ASXL1: variants seen among roughly 807,000 people sequenced by gnomAD.
ASXL1 encodes the protein polycomb group protein ASXL1.
In ASXL1, 65 loss-of-function variants were observed where a neutral mutation model predicts 89.1. The ratio of observed to expected loss-of-function variants is 0.73; its 90% confidence interval spans 0.60 to 0.90. The LOEUF (loss-of-function observed/expected upper bound fraction) is 0.90. Among genes scored for constraint, ASXL1 ranks in the 40% least tolerant of loss-of-function variants. ASXL1 has a pLI of 0.00. For synonymous variants in ASXL1, 739 were observed against 746.9 expected (o/e 0.99, Z 0.17); for missense variants, 1,786 against 1,942.9 (o/e 0.92, Z 1.52).
intron 11 of ASXL1, 34 bp downstream of exon 11, chr20:32,433,019 G>GA: frequency 1.2e-6 from 2 of 1,611,068 alleles, no homozygotes; most frequent in African/African-American, 2.7e-5. Flanking sequence ...CCTGGTCTGG[G>GA]GTTTTGAGGG....
At chr20:32,378,031 C>T (rs573925846) in intron 4 of ASXL1, among the ~76,000 whole-genome samples, 20 of 115,404 alleles carry the variant, frequency 1.7e-4, no homozygotes, top group Non-Finnish European at 2.5e-4. Flanking sequence ...ACTCTGTCGC[C>T]CAGGCTGGAG....
intron 4 of ASXL1, among the ~76,000 whole-genome samples, chr20:32,412,343 C>T (rs1156456796): frequency 6.6e-6 from 1 of 152,166 alleles, no homozygotes; most frequent in Non-Finnish European, 1.5e-5. Context: ...ACCCATTCCA[C>T]TGTGGAAGAA....
intron 4 of ASXL1, among the ~76,000 whole-genome samples, chr20:32,398,603 GTT>G (rs375341392): frequency 7.9e-6 from 1 of 126,450 alleles, no homozygotes; most frequent in Non-Finnish European, 1.6e-5. Flanking sequence ...TTTTTTGTTT[GTT>G]TTTTTTTTTG....
rs1020819492 is a variant in ASXL1, at chr20:32,435,796, G to A, written c.3084G>A (p.Ser1028=). 17 of 1,614,066 alleles carry A rather than the reference G, an allele frequency of 1.1e-5. No individual in the cohort carries two copies. The highest frequency in any genetic ancestry group is 1.6e-4 in the Middle Eastern group (1 of 6,084). The change falls in exon 13 of 13, where the codon TCG becomes TCA. Residue 1028 remains serine (S), a synonymous_variant. Transcript: ENST00000375687. ...AAGCTGCAGTGACAAAGGGATCTTCGGTGGACAAGGATGAGAAACCCAATT... is the reference window on the plus strand; with the variant it reads ...AAGCTGCAGTGACAAAGGGATCTTCAGTGGACAAGGATGAGAAACCCAATT... ...TREAAVTKGS[S]VDKDEKPNWN...
chr20:32,378,029 G>A (rs923768965), intron 4 of ASXL1, among the ~76,000 whole-genome samples: 8 of 114,720 alleles, frequency 7.0e-5, no homozygotes, highest in Admixed American at 5.0e-4. Context: ...TCACTCTGTC[G>A]CCCAGGCTGG....
intron 10 of ASXL1, 105 bp from the exon 11 acceptor site, chr20:32,432,775 C>G: frequency 7.3e-7 from 1 of 1,362,680 alleles, no homozygotes; most frequent in Non-Finnish European, 1.0e-6. Context: ...TGTGAGAGAG[C>G]CTTTAGAAGA....
intron 1 of ASXL1, among the ~76,000 whole-genome samples, chr20:32,364,711 T>C (rs1195255450): frequency 6.6e-6 from 1 of 152,178 alleles, no homozygotes; most frequent in Non-Finnish European, 1.5e-5. Context: ...TGAAGGATTT[T>C]AGAGCTGAAA....
In ASXL1 at chr20:32,436,990, G is replaced by C. The variant is rs2011951195; in HGVS notation, c.4278G>C (p.Glu1426Asp). The C allele has an allele frequency of 6.2e-7, 1 of 1,613,950 alleles. No individual in the cohort carries two copies. Among genetic ancestry groups the C allele is most frequent in the Non-Finnish European group, 8.5e-7 (1 of 1,180,026 alleles). ...EPGKGLSEPL[E>D]PSSLPSQLSI... Reference sequence around the variant, plus strand: ...GGAAGGGGCTCAGTGAGCCTCTGGAGCCTTCTTCTCTCCCCTCCCAACTCA... The same window carrying C: ...GGAAGGGGCTCAGTGAGCCTCTGGACCCTTCTTCTCTCCCCTCCCAACTCA... The change falls in exon 13 of 13, where the codon GAG becomes GAC. Residue 1426 changes from glutamate to aspartate, a missense_variant. By Grantham distance (45) the Glu-to-Asp change is conservative (BLOSUM62 2). Around this residue, in one of 3 missense-constraint regions of ASXL1, gnomAD observed 1,418 missense variants for 1,427.8 expected, o/e 0.99. Coordinates refer to ENST00000375687, the MANE Select transcript of ASXL1 (RefSeq NM_015338.6).
At position 32,436,214 on chromosome 20, in the gene ASXL1, A is replaced by T; in HGVS notation, c.3502A>T (p.Ser1168Cys). Reference sequence around the variant, plus strand: ...TGGCATGGTTGATGGAAGCAGCCCCAGTTCTTTAAGGGCTTTGAAGGAGCC... The same window carrying T: ...TGGCATGGTTGATGGAAGCAGCCCCTGTTCTTTAAGGGCTTTGAAGGAGCC... ...NSGMVDGSSP[S>C]SLRALKEPLL... Residue 1168 changes from serine to cysteine, a missense_variant, in exon 13 of 13, where the codon AGT becomes TGT. By Grantham distance (112) the Ser-to-Cys change is moderately radical. Coordinates refer to ENST00000375687, the MANE Select transcript of ASXL1 (RefSeq NM_015338.6). 6.2e-7 allele frequency: 1 copy of T among 1,614,242 alleles called. No individual in the cohort carries two copies. The highest frequency in any genetic ancestry group is 1.7e-5 in the Admixed American group (1 of 60,024).
rs776287321 is a variant in ASXL1 at position 32,428,375 on chromosome 20, A to G, written c.424A>G (p.Ser142Gly). The G allele has an allele frequency of 6.2e-7, 1 of 1,614,148 alleles. No homozygotes were observed. Among genetic ancestry groups the G allele is most frequent in the Admixed American group, 1.7e-5 (1 of 60,020 alleles). The change falls in exon 6 of 13, where the codon AGT becomes GGT. Residue 142 changes from serine to glycine, a missense_variant. By Grantham distance (56) the Ser-to-Gly change is moderately conservative (BLOSUM62 0). This residue lies in a region of ASXL1 where 332 missense variants were observed against 449.7 expected (regional missense o/e 0.74). Transcript: ENST00000375687. The stretch of plus-strand genomic sequence containing the variant: ...CGCATCCTGTTCTACAGAATCTCAG[A>G]GTCGACCTCTTTCCAATCCCAGGGA... ...SNASCSTESQ[S>G]RPLSNPRDSY...
intron 4 of ASXL1, among the ~76,000 whole-genome samples, chr20:32,378,925 C>T (rs1425816397): frequency 2.6e-5 from 4 of 151,222 alleles, no homozygotes; most frequent in South Asian, 2.1e-4. Flanking sequence ...GTCAGGAGTT[C>T]GAGACCAGCC....
intron 4 of ASXL1, chr20:32,372,037 C>G: frequency 8.4e-7 from 1 of 1,192,494 alleles, no homozygotes; most frequent in Non-Finnish European, 1.1e-6. Context: ...TTACTTTTTT[C>G]TATGAGTACC....
chr20:32,400,565 C>T (rs1203433197), intron 4 of ASXL1, among the ~76,000 whole-genome samples: 1 of 152,086 alleles, frequency 6.6e-6, no homozygotes, highest in East Asian at 1.9e-4. Context: ...GTTCATAATT[C>T]TTTTGGGTGT....
Position 32,433,794 on chromosome 20 carries a change from T to A in ASXL1, c.1596T>A (p.Ser532=), listed in dbSNP as rs2011619589. ...GGAAATCCTTTGAGCAGGCGGCCTCTGCATCCTTTCCCGAAAAGAAGCCCC... is the reference window on the plus strand; with the variant it reads ...GGAAATCCTTTGAGCAGGCGGCCTCAGCATCCTTTCCCGAAAAGAAGCCCC... ...QKRKSFEQAA[S]ASFPEKKPRL... is the part of the protein sequence containing the mutation. Residue 532 remains serine, a synonymous_variant, in exon 12 of 13, where the codon TCT becomes TCA. Coordinates refer to ENST00000375687, the MANE Select transcript of ASXL1 (RefSeq NM_015338.6). The A allele has an allele frequency of 1.1e-5, 17 of 1,614,228 alleles. No individual in the cohort carries two copies. Among genetic ancestry groups the A allele is most frequent in the Non-Finnish European group, 1.3e-5 (15 of 1,180,048 alleles).
chr20:32,408,280 G>C lies in ASXL1; in HGVS notation c.253-19848G>C, dbSNP rs1026621242. ...GTTCGAGGTAGTCATTCAGGTTTGCGTTTTTACGTGTTTATCTTGTTTCAG... is the reference window on the plus strand; with the variant it reads ...GTTCGAGGTAGTCATTCAGGTTTGCCTTTTTACGTGTTTATCTTGTTTCAG... On this transcript the variant is annotated intron_variant, in intron 4 of 12. Coordinates refer to ENST00000375687, the MANE Select transcript of ASXL1 (RefSeq NM_015338.6). 3.9e-5 allele frequency among the ~76,000 whole-genome samples: 6 copies of C among 152,020 alleles called. No homozygotes were observed. The East Asian group carries it at 1.2e-3, about 29-fold the overall frequency.
intron 4 of ASXL1, among the ~76,000 whole-genome samples, chr20:32,397,388 C>T (rs1224810813): frequency 1.3e-4 from 19 of 142,720 alleles, no homozygotes; most frequent in Admixed American, 2.3e-4. Flanking sequence ...GTGTGAGCCA[C>T]CACTCCTGGC....
At chr20:32,378,003 T>TGTGTGTGTGTGTGTG (rs56248414) in intron 4 of ASXL1, among the ~76,000 whole-genome samples, 178 of 144,600 alleles carry the variant, frequency 1.2e-3, no homozygotes, top group Middle Eastern at 3.7e-3. Flanking sequence ...TGTGTGTGTG[T>TGTGTGTGTGTGTGTG]TTTGGAGACA....
At chr20:32,408,514 T>G (rs960127651) in intron 4 of ASXL1, among the ~76,000 whole-genome samples, 1 of 152,224 alleles carries the variant, frequency 6.6e-6, no homozygotes, top group Non-Finnish European at 1.5e-5. Context: ...GTGTTCTTCC[T>G]TCTTAAAATT....
chr20:32,422,101 G>A (rs1489786037), intron 4 of ASXL1, among the ~76,000 whole-genome samples: 7 of 147,476 alleles, frequency 4.7e-5, no homozygotes, highest in Non-Finnish European at 3.0e-5. Flanking sequence ...GGATGGTCTC[G>A]ATCTCCTGAC....
Sources: allele counts gnomAD v4.1 joint callset (sites outside exome capture counted in the v4.1 genomes callset), GRCh38; gene constraint gnomAD v4.1.1; regional missense constraint gnomAD v4.1.1; transcripts MANE v1.5; gene names NCBI Gene and HGNC (gene_info 2026-07-23, HGNC 2026-07-21).